ARHGAP8: variants seen among roughly 807,000 people sequenced by gnomAD.
ARHGAP8 encodes rho GTPase-activating protein 8.
ARHGAP8 carries 62 observed loss-of-function variants against 46.1 expected under a neutral mutation model. The ratio of observed to expected loss-of-function variants is 1.34; its 90% CI spans 1.10 to 1.66. The LOEUF is 1.66. Among genes scored for constraint, ARHGAP8 ranks in the 40% most tolerant of loss-of-function variants. ARHGAP8 has a pLI of 0.00. For synonymous variants in ARHGAP8, 375 were observed against 243.1 expected (o/e 1.54, Z -5.05); for missense variants, 923 against 568.4 (o/e 1.62, Z -6.34).
intron 5 of ARHGAP8, 63 bp downstream of exon 5, chr22:44,814,821 G>C: frequency 6.3e-7 from 1 of 1,580,634 alleles, no homozygotes. Flanking sequence ...AGGGTCCATG[G>C]GACGGCCTTC....
intron 1 of ARHGAP8, among the ~76,000 whole-genome samples, chr22:44,756,555 C>A (rs1924688909): frequency 6.6e-6 from 1 of 151,550 alleles, no homozygotes; most frequent in African/African-American, 2.4e-5. Flanking sequence ...CTGCAGCCAA[C>A]CTGGCCTGTG....
intron 7 of ARHGAP8, among the ~76,000 whole-genome samples, chr22:44,829,320 AAAC>A (rs1267149506): frequency 1.3e-5 from 2 of 151,926 alleles, no homozygotes; most frequent in Non-Finnish European, 2.9e-5. Context: ...GAAAAAGAAA[AAAC>A]AAGCATAGCT....
At position 44,803,892 on chromosome 22, in the gene ARHGAP8, C is replaced by G. The variant is rs182997950; in HGVS notation, c.167+1728C>G. On this transcript the variant is annotated intron_variant, in intron 3 of 11. Transcript: ENST00000356099. ...GACTAAGTCACATGCTCAGCACAGA[C>G]TGGGTGTTCAGAGTGAAAGACTAAC... is the stretch of plus-strand genomic sequence containing the variant. Among the ~76,000 whole-genome samples, 9 of 151,398 alleles carry G rather than the reference C, an allele frequency of 5.9e-5. No homozygotes were observed. In the East Asian group the frequency reaches 1.8e-3, roughly 30 times the overall value.
chr22:44,807,390 C>T (rs1272596845), intron 3 of ARHGAP8, among the ~76,000 whole-genome samples: 1 of 151,982 alleles, frequency 6.6e-6, no homozygotes, highest in Non-Finnish European at 1.5e-5. Flanking sequence ...ATGGGTAGAG[C>T]CTACACCATA....
chr22:44,856,565 C>T (rs547947209), intron 10 of ARHGAP8, among the ~76,000 whole-genome samples: 4 of 146,506 alleles, frequency 2.7e-5, no homozygotes, highest in East Asian at 2.0e-4. Context: ...TGAGCCACCG[C>T]GCCCGGCCTG....
At chr22:44,822,516 C>A in intron 6 of ARHGAP8, 47 bp downstream of exon 6, 1 of 1,461,630 alleles carries the variant, frequency 6.8e-7, no homozygotes, top group Non-Finnish European at 9.1e-7. Flanking sequence ...CATCTTCGTG[C>A]TTCCAAAGGG....
rs552312500 is a variant in ARHGAP8 at position 44,786,453 on chromosome 22, G to A, written c.-71-4G>A. ...CTGACTTCCTTTAATCTTCTTTGCC[G>A]CAGAGCTGCAGAGAGACAAGGCGGC... On this transcript the variant is annotated splice_region_variant and splice_polypyrimidine_tract_variant and intron_variant, in intron 1 of 11. Transcript: ENST00000356099. 8 of 1,591,368 alleles carry A rather than the reference G, an allele frequency of 5.0e-6. No homozygotes were observed. The highest frequency in any genetic ancestry group is 1.3e-5 in the African/African-American group (1 of 74,212).
intron 11 of ARHGAP8, among the ~76,000 whole-genome samples, chr22:44,861,499 T>G (rs933199844): frequency 3.3e-5 from 5 of 152,058 alleles, no homozygotes; most frequent in African/African-American, 1.2e-4. Flanking sequence ...TCCAGCCATC[T>G]CACCTGAGCA....
At chr22:44,839,828 A>G (rs1931535943) in intron 7 of ARHGAP8, among the ~76,000 whole-genome samples, 1 of 152,188 alleles carries the variant, frequency 6.6e-6, no homozygotes, top group South Asian at 2.1e-4. Flanking sequence ...TCCGACAGCA[A>G]CCACGTCACA....
At chr22:44,862,183 C>T (rs112385925) in intron 11 of ARHGAP8, 92 bp from the exon 12 acceptor site, 33 of 1,464,140 alleles carry the variant, frequency 2.3e-5, no homozygotes, top group Middle Eastern at 2.1e-4. Flanking sequence ...CCTCTCACTA[C>T]ACCTACGCCT....
At chr22:44,856,744 CAG>C (rs2070236502) in intron 10 of ARHGAP8, among the ~76,000 whole-genome samples, 1 of 143,352 alleles carries the variant, frequency 7.0e-6, no homozygotes. Context: ...CAAAGGCAAA[CAG>C]TGACTCTTCC....
intron 1 of ARHGAP8, among the ~76,000 whole-genome samples, chr22:44,763,861 A>C (rs1602142436): frequency 7.0e-6 from 1 of 142,522 alleles, no homozygotes; most frequent in African/African-American, 2.7e-5. Context: ...GTATGGCTGG[A>C]GTGCAGTGGC....
chr22:44,809,277 T>G, intron 4 of ARHGAP8: 1 of 430,000 alleles, frequency 2.3e-6, no homozygotes, highest in Admixed American at 2.8e-5. Flanking sequence ...AATATTCTTC[T>G]GTTTTTTTTT....
At chr22:44,786,127 T>C (rs1027197646) in intron 1 of ARHGAP8, 9 of 442,328 alleles carry the variant, frequency 2.0e-5, no homozygotes, top group Non-Finnish European at 3.7e-5. Flanking sequence ...GGTGCATGGC[T>C]GAGGTAGGTC....
chr22:44,833,704 A>T (rs1602241383), intron 7 of ARHGAP8, among the ~76,000 whole-genome samples: 1 of 151,998 alleles, frequency 6.6e-6, no homozygotes, highest in African/African-American at 2.4e-5. Flanking sequence ...CTCCTCTTCT[A>T]TTTTTTGGAA....
intron 4 of ARHGAP8, 79 bp downstream of exon 4, chr22:44,808,517 C>A (rs1181935856): frequency 5.8e-6 from 9 of 1,564,192 alleles, no homozygotes; most frequent in Non-Finnish European, 7.8e-6. Flanking sequence ...CAAGGGGTCG[C>A]AGAGTGTGCA....
Position 44,859,851 on chromosome 22 carries a change from G to T in ARHGAP8, c.981+17G>T. 1.2e-6 allele frequency: 2 copies of T among 1,611,074 alleles called. No homozygotes were observed. Among genetic ancestry groups the T allele is most frequent in the Admixed American group, 1.7e-5 (1 of 59,952 alleles). Reference sequence around the variant, plus strand: ...CTGCATGCGGTGAGTGGGGAAGGGGGGAGCTTGGGGTGAAGCCCAGTGGCC... The same window carrying T: ...CTGCATGCGGTGAGTGGGGAAGGGGTGAGCTTGGGGTGAAGCCCAGTGGCC... On this transcript the variant is annotated intron_variant, in intron 11 of 11. Transcript: ENST00000356099.
intron 7 of ARHGAP8, among the ~76,000 whole-genome samples, chr22:44,837,307 A>G (rs983850907): frequency 1.8e-4 from 27 of 152,196 alleles, no homozygotes; most frequent in African/African-American, 6.5e-4. Context: ...TACAAGCAAG[A>G]ATTCTATGCT....
chr22:44,762,920 A>C (rs1925254294), intron 1 of ARHGAP8, among the ~76,000 whole-genome samples: 1 of 152,074 alleles, frequency 6.6e-6, no homozygotes, highest in South Asian at 2.1e-4. Context: ...TAGCTTCAGG[A>C]TGGGGGCTGT....
Sources: allele counts gnomAD v4.1 joint callset (sites outside exome capture counted in the v4.1 genomes callset), GRCh38; gene constraint gnomAD v4.1.1; transcripts MANE v1.5; gene names NCBI Gene and HGNC (gene_info 2026-07-23, HGNC 2026-07-21).